The following NDUFAF6 variants were observed in gnomAD, a reference collection of about 807,000 sequenced individuals.
NDUFAF6 encodes NADH dehydrogenase (ubiquinone) complex I, assembly factor 6.
NDUFAF6 carries 45 observed loss-of-function variants against 40.8 expected under a neutral mutation model. The ratio of observed to expected loss-of-function variants is 1.10; its 90% CI spans 0.87 to 1.42. The LOEUF is 1.42. NDUFAF6 is among the 40% of genes most tolerant of loss of function. The probability of loss-of-function intolerance (pLI) is 0.00; values close to 1 mark genes in which losing one functional copy is unlikely to be tolerated. For synonymous variants in NDUFAF6, 185 were observed against 155.9 expected (o/e 1.19, Z -1.39); for missense variants, 435 against 418.5 (o/e 1.04, Z -0.34).
chr8:94,936,264 A>G (rs1820965116), intron 1 of NDUFAF6, among the ~76,000 whole-genome samples: 1 of 152,204 alleles, frequency 6.6e-6, no homozygotes, highest in Non-Finnish European at 1.5e-5. Flanking sequence ...CAGTGCCCAG[A>G]AGAGTTCCAT....
chr8:95,005,917 G>A (rs772443948), intron 2 of NDUFAF6, among the ~76,000 whole-genome samples: 45 of 152,008 alleles, frequency 3.0e-4, no homozygotes, highest in Non-Finnish European at 7.4e-5. Flanking sequence ...CCAGAAACCG[G>A]GCAGACGAGA....
At chr8:95,101,821 C>T (rs1484947870) in intron 2 of NDUFAF6, among the ~76,000 whole-genome samples, 1 of 152,074 alleles carries the variant, frequency 6.6e-6, no homozygotes, top group African/African-American at 2.4e-5. Context: ...AAAAAATTGG[C>T]TTCTGTAACT....
intron 2 of NDUFAF6, among the ~76,000 whole-genome samples, chr8:95,082,793 G>A (rs1168182001): frequency 6.6e-6 from 1 of 151,734 alleles, no homozygotes; most frequent in Non-Finnish European, 1.5e-5. Flanking sequence ...CCAAGTAGCT[G>A]GGACTACAGG....
Position 95,035,446 on chromosome 8 carries a change from G to A in NDUFAF6, c.298-8G>A, listed in dbSNP as rs2131806577. 6.2e-7 allele frequency: 1 copy of A among 1,613,294 alleles called. No homozygotes were observed. Among genetic ancestry groups the A allele is most frequent in the South Asian group, 1.1e-5 (1 of 90,998 alleles). On this transcript the variant is annotated splice_region_variant and splice_polypyrimidine_tract_variant and intron_variant, in intron 2 of 8. Coordinates refer to ENST00000396124, the MANE Select transcript of NDUFAF6 (RefSeq NM_152416.4). Reference sequence around the variant, plus strand: ...GCATTTGCTAAAGTTTTTAAACCCTGTTTATAGGTTAAAGACTCAGTCTCT... The same window carrying A: ...GCATTTGCTAAAGTTTTTAAACCCTATTTATAGGTTAAAGACTCAGTCTCT...
intron 4 of NDUFAF6, among the ~76,000 whole-genome samples, chr8:95,111,913 A>G (rs1306605996): frequency 6.6e-6 from 1 of 152,188 alleles, no homozygotes; most frequent in African/African-American, 2.4e-5. Flanking sequence ...TCCTCCAGCT[A>G]TGGATAAGCC....
chr8:94,901,057 G>A (rs1817983847), intron 1 of NDUFAF6, among the ~76,000 whole-genome samples: 1 of 152,156 alleles, frequency 6.6e-6, no homozygotes, highest in Non-Finnish European at 1.5e-5. Context: ...TATGTTAGCT[G>A]TTTAGGGAAG....
At chr8:95,022,063 GTATT>G (rs1827712629), upstream of NDUFAF6, among the ~76,000 whole-genome samples, 1 of 152,138 alleles carries the variant, frequency 6.6e-6, no homozygotes, top group Non-Finnish European at 1.5e-5. Context: ...CATCTAAAAA[GTATT>G]TAATTGTGGA....
chr8:94,912,828 AAT>A (rs1223794753), intron 1 of NDUFAF6, among the ~76,000 whole-genome samples: 10 of 151,430 alleles, frequency 6.6e-5, no homozygotes, highest in Admixed American at 6.6e-4. Flanking sequence ...AAAAAAAAAA[AAT>A]TAGCTGGGCA....
In NDUFAF6 at chr8:95,058,551, C is replaced by T; in HGVS notation, c.*614C>T. 1 of 1,219,442 alleles carries T rather than the reference C, an allele frequency of 8.2e-7. No individual in the cohort carries two copies. The highest frequency in any genetic ancestry group is 1.0e-6 in the Non-Finnish European group (1 of 980,888). 75.5% of individuals were successfully genotyped at this position (1,219,442 alleles called of 1,614,324 possible). On this transcript the variant is annotated 3_prime_UTR_variant, in exon 9 of 9. Transcript: ENST00000396124. ...GAGCAGAGCCTTAATTTGACTTTAG[C>T]TCTGGCTGGTCTGGAAGCTTTTACT...
chr8:94,968,757 G>A (rs970556090), intron 1 of NDUFAF6, among the ~76,000 whole-genome samples: 2 of 152,196 alleles, frequency 1.3e-5, no homozygotes, highest in East Asian at 1.9e-4. Flanking sequence ...GAGAGTAAAA[G>A]CAGGTAAACC....
intron 9 of NDUFAF6, among the ~76,000 whole-genome samples, chr8:95,074,175 C>T (rs866858155): frequency 7.9e-5 from 12 of 151,928 alleles, no homozygotes; most frequent in Middle Eastern, 3.4e-3. Context: ...TATTTCTACT[C>T]TTGTATATTT....
At chr8:95,073,702 C>T (rs927199151) in intron 9 of NDUFAF6, among the ~76,000 whole-genome samples, 1 of 152,174 alleles carries the variant, frequency 6.6e-6, no homozygotes, top group Non-Finnish European at 1.5e-5. Flanking sequence ...TTCCAGCTTA[C>T]AGGACATGTC....
At chr8:95,024,195 T>G (rs1401868898), upstream of NDUFAF6, among the ~76,000 whole-genome samples, 1 of 152,180 alleles carries the variant, frequency 6.6e-6, no homozygotes, top group Non-Finnish European at 1.5e-5. Context: ...CCTGTCCAAA[T>G]AAGATTGTGG....
intron 7 of NDUFAF6, among the ~76,000 whole-genome samples, chr8:95,049,800 A>C (rs1010265524): frequency 8.5e-5 from 13 of 152,088 alleles, no homozygotes; most frequent in Admixed American, 5.2e-4. Flanking sequence ...GCTTTTCACT[A>C]CCTGACATTA....
intron 1 of NDUFAF6, among the ~76,000 whole-genome samples, chr8:95,031,229 G>T (rs1240041927): frequency 6.6e-6 from 1 of 152,192 alleles, no homozygotes; most frequent in Non-Finnish European, 1.5e-5. Context: ...GGGAATGTGG[G>T]GTGGGGGCTG....
intron 1 of NDUFAF6, among the ~76,000 whole-genome samples, chr8:94,933,770 A>C (rs1449585997): frequency 4.8e-5 from 6 of 125,912 alleles, no homozygotes; most frequent in African/African-American, 1.1e-4. Flanking sequence ...CTCAAAAAAA[A>C]CCCCCAAAAA....
intron 1 of NDUFAF6, chr8:94,932,229 C>A: frequency 1.0e-6 from 1 of 969,252 alleles, no homozygotes; most frequent in Non-Finnish European, 1.6e-6. Flanking sequence ...ATTAAAGGCA[C>A]GTACATGTGC....
intron 1 of NDUFAF6, among the ~76,000 whole-genome samples, chr8:94,961,273 C>T: frequency 6.6e-6 from 1 of 152,232 alleles, no homozygotes; most frequent in Non-Finnish European, 1.5e-5. Flanking sequence ...TCCTTAGTAC[C>T]ATCCAACCTT....
intron 4 of NDUFAF6, among the ~76,000 whole-genome samples, chr8:95,043,151 C>T (rs1320753924): frequency 6.8e-6 from 1 of 146,528 alleles, no homozygotes; most frequent in Admixed American, 6.9e-5. Flanking sequence ...GTGACACGAT[C>T]TCGGCTCACT....
Sources: allele counts gnomAD v4.1 joint callset (sites outside exome capture counted in the v4.1 genomes callset), GRCh38; gene constraint gnomAD v4.1.1; transcripts MANE v1.5; gene names NCBI Gene and HGNC (gene_info 2026-07-23, HGNC 2026-07-21).